Variants in SPMIP7 observed in about 807,000 individuals in gnomAD.
SPMIP7 encodes the protein sperm microtubule inner protein 7, also known as protein SPMIP7.
At chr7:50,145,636 A>ATATG in the SPMIP7 span, among the ~76,000 whole-genome samples, 1 of 98,546 alleles carries the variant, frequency 1.0e-5, no homozygotes, top group Non-Finnish European at 2.1e-5. Context: ...ATATATATAT[A>ATATG]TATATATATA....
At chr7:50,133,469 G>A in the SPMIP7 span, among the ~76,000 whole-genome samples, 4 of 152,094 alleles carry the variant, frequency 2.6e-5, no homozygotes, top group Admixed American at 2.0e-4. Context: ...TAAATTAATG[G>A]TATCCTCTGA....
the SPMIP7 span, among the ~76,000 whole-genome samples, chr7:50,114,820 A>G: frequency 2.6e-5 from 4 of 152,128 alleles, no homozygotes; most frequent in Non-Finnish European, 5.9e-5. Context: ...ACCTGAGGTC[A>G]GGAGTTCAAG....
chr7:50,151,389 C>A, the SPMIP7 span: 7 of 1,291,198 alleles, frequency 5.4e-6, no homozygotes, highest in Non-Finnish European at 7.6e-6. Flanking sequence ...GTTACCATGA[C>A]AATTTCACAA....
At chr7:50,154,810 C>A in the SPMIP7 span, among the ~76,000 whole-genome samples, 3 of 152,154 alleles carry the variant, frequency 2.0e-5, no homozygotes, top group South Asian at 4.1e-4. Context: ...CTTCACCAAC[C>A]TACATTCCCA....
the SPMIP7 span, among the ~76,000 whole-genome samples, chr7:50,133,033 G>T: frequency 1.3e-5 from 2 of 152,154 alleles, no homozygotes; most frequent in African/African-American, 4.8e-5. Context: ...AGAATGGAAA[G>T]ATCAAGTTTC....
At chr7:50,124,624 AT>A in the SPMIP7 span, among the ~76,000 whole-genome samples, 1 of 152,334 alleles carries the variant, frequency 6.6e-6, no homozygotes, top group Middle Eastern at 3.4e-3. Flanking sequence ...ACACTTCTAA[AT>A]AACCTACAGG....
the SPMIP7 span, among the ~76,000 whole-genome samples, chr7:50,151,850 T>A: frequency 6.6e-6 from 1 of 152,208 alleles, no homozygotes; most frequent in South Asian, 2.1e-4. Flanking sequence ...TGAAGGTATT[T>A]CAGGCGCATT....
At chr7:50,143,517 T>A in the SPMIP7 span, among the ~76,000 whole-genome samples, 1 of 152,180 alleles carries the variant, frequency 6.6e-6, no homozygotes, top group African/African-American at 2.4e-5. Context: ...CTAGTTCAAG[T>A]GGCTTCAGCA....
chr7:50,120,781 G>C, the SPMIP7 span, among the ~76,000 whole-genome samples: 1 of 152,018 alleles, frequency 6.6e-6, no homozygotes, highest in African/African-American at 2.4e-5. Flanking sequence ...ATATTACCAG[G>C]CTAACTACAA....
At chr7:50,096,615 T>A in the SPMIP7 span, 1 of 1,548,380 alleles carries the variant, frequency 6.5e-7, no homozygotes, top group Non-Finnish European at 8.7e-7. Flanking sequence ...GTACCAGACA[T>A]TTCTATCAGA....
the SPMIP7 span, chr7:50,120,301 G>A: frequency 6.6e-6 from 1 of 152,156 alleles, no homozygotes; most frequent in Non-Finnish European, 1.5e-5. Context: ...GGTGCCAGTT[G>A]TATGGAACTT....
chr7:50,135,734 G>A, the SPMIP7 span, among the ~76,000 whole-genome samples: 1 of 152,174 alleles, frequency 6.6e-6, no homozygotes, highest in Non-Finnish European at 1.5e-5. Flanking sequence ...AGGCTCGTTT[G>A]GAAGTGGGAA....
chr7:50,119,658 G>A, the SPMIP7 span, among the ~76,000 whole-genome samples: 1 of 152,166 alleles, frequency 6.6e-6, no homozygotes, highest in Non-Finnish European at 1.5e-5. Flanking sequence ...ACTGCTACTT[G>A]CTTTCCTATG....
chr7:50,150,391 C>A, the SPMIP7 span, among the ~76,000 whole-genome samples: 1 of 152,184 alleles, frequency 6.6e-6, no homozygotes, highest in Non-Finnish European at 1.5e-5. Flanking sequence ...GCCCTTTCCT[C>A]CCTGGGGGCA....
the SPMIP7 span, among the ~76,000 whole-genome samples, chr7:50,102,301 G>A: frequency 6.6e-6 from 1 of 152,178 alleles, no homozygotes; most frequent in Admixed American, 6.5e-5. Context: ...TCCAGCCTGG[G>A]CAACAGGGTG....
chr7:50,150,369 A>G, the SPMIP7 span, among the ~76,000 whole-genome samples: 1 of 152,146 alleles, frequency 6.6e-6, no homozygotes, highest in Non-Finnish European at 1.5e-5. Context: ...GAAATTTGCA[A>G]TCTGCCCACT....
the SPMIP7 span, among the ~76,000 whole-genome samples, chr7:50,149,360 T>C: frequency 6.6e-6 from 1 of 152,236 alleles, no homozygotes; most frequent in Non-Finnish European, 1.5e-5. Flanking sequence ...GTTTAGCATC[T>C]ATTAAGTGCT....
the SPMIP7 span, chr7:50,096,210 CT>C: frequency 1.3e-6 from 2 of 1,551,698 alleles, no homozygotes; most frequent in Non-Finnish European, 1.7e-6. Flanking sequence ...ATGAACATGC[CT>C]TTTGTGAAAG....
chr7:50,130,483 GC>G, the SPMIP7 span, among the ~76,000 whole-genome samples: 1 of 151,994 alleles, frequency 6.6e-6, no homozygotes, highest in Non-Finnish European at 1.5e-5. Flanking sequence ...TCTCCACCTG[GC>G]CCCACCCTAC....
Sources: allele counts gnomAD v4.1 joint callset (sites outside exome capture counted in the v4.1 genomes callset), GRCh38; gene constraint gnomAD v4.1.1; transcripts MANE v1.5; gene names NCBI Gene and HGNC (gene_info 2026-07-23, HGNC 2026-07-21).